The following DRG2 variants were observed in gnomAD, a reference collection of about 807,000 sequenced individuals.
DRG2 encodes the protein developmentally-regulated GTP-binding protein 2.
Under a neutral mutation model 53.4 loss-of-function variants are expected in DRG2, and 36 were observed. The observed-to-expected ratio is 0.67, with a 90% CI of 0.52 to 0.89. The LOEUF (loss-of-function observed/expected upper bound fraction) is 0.89, where lower values mean the gene tolerates loss of function less well. Ranked by LOEUF, DRG2 falls within the 40% of genes least tolerant of loss-of-function variation. The pLI is 0.00. For missense variants in DRG2, 342 were observed against 481.2 expected (o/e 0.71, Z 2.71); for synonymous variants, 167 against 192.1 (o/e 0.87, Z 1.08).
In DRG2 at chr17:18,093,928, G is replaced by T; in HGVS notation, c.180G>T (p.Ser60=). Residue 60 remains serine (S), a synonymous_variant, in exon 2 of 13, where the codon TCG becomes TCT. Transcript: ENST00000225729. ...SKGEGFDVMK[S]GDARVALIGF... ...GAGAGGGCTTTGATGTCATGAAGTC[G>T]GGTGATGCCCGTGTGGCGCTGATTG... 6.2e-7 allele frequency: 1 copy of T among 1,614,166 alleles called. No individual in the cohort carries two copies. Among genetic ancestry groups the T allele is most frequent in the Non-Finnish European group, 8.5e-7 (1 of 1,180,032 alleles).
chr17:18,091,741 C>T (rs1034055940), intron 1 of DRG2, among the ~76,000 whole-genome samples: 1 of 152,082 alleles, frequency 6.6e-6, no homozygotes, highest in Non-Finnish European at 1.5e-5. Context: ...GCCTGTAGTC[C>T]CAGCTACTTG....
At position 18,103,603 on chromosome 17, in the gene DRG2, AGT is replaced by A. The variant is rs2045576703; in HGVS notation, c.807-194_807-193del. Among the ~76,000 whole-genome samples, 1 of 152,186 alleles carries A rather than the reference AGT, an allele frequency of 6.6e-6. No individual in the cohort carries two copies. The highest frequency in any genetic ancestry group is 2.1e-4 in the South Asian group (1 of 4,836). On this transcript the variant is annotated intron_variant, in intron 9 of 12. Transcript: ENST00000225729. This position sits in a 1 kb window ranked among gnomAD's most constrained non-coding sequence, Gnocchi z 4.4. ...CTAGGAGAGATGCTGACCCTGGTTG[AGT>A]GTGACCATGATTGGTGCCCAGAGGC...
rs1186080176 is a variant in DRG2, at chr17:18,098,248, C to T, written c.226-22C>T. The T allele has an allele frequency of 6.2e-7, 1 of 1,607,600 alleles. No individual in the cohort carries two copies. The highest frequency in any genetic ancestry group is 8.5e-7 in the Non-Finnish European group (1 of 1,174,524). On this transcript the variant is annotated intron_variant, in intron 2 of 12. Transcript: ENST00000225729. This position sits in a 1 kb window ranked among gnomAD's most constrained non-coding sequence, Gnocchi z 4.1. ...AGGCCAGGGACAAGGCTCCTCAGTG[C>T]AATGATCTCCTTTTCTCCTAGTCCA...
intron 10 of DRG2, 84 bp from the exon 11 acceptor site, chr17:18,104,539 G>A (rs2045593792): frequency 6.2e-7 from 1 of 1,600,048 alleles, no homozygotes; most frequent in Non-Finnish European, 8.5e-7. Flanking sequence ...GGCCTCTGTG[G>A]CCAGCTCTTC....
At chr17:18,091,314 A>C (rs1469263814) in intron 1 of DRG2, among the ~76,000 whole-genome samples, 1 of 152,150 alleles carries the variant, frequency 6.6e-6, no homozygotes, top group African/African-American at 2.4e-5. Flanking sequence ...GGTCAGGCAC[A>C]GTGGCTCACG....
Position 18,100,703 on chromosome 17 carries a change from G to A in DRG2, c.631+44G>A, listed in dbSNP as rs748322599. 1.1e-5 allele frequency: 18 copies of A among 1,568,170 alleles called. No individual in the cohort carries two copies. Among genetic ancestry groups the A allele is most frequent in the South Asian group, 2.3e-5 (2 of 86,638 alleles). The stretch of plus-strand genomic sequence containing the variant: ...CACGTGAAGGAGGGCAGCCACCACC[G>A]TCAGCGCAGCGGGGGGACTGACTAA... On this transcript the variant is annotated intron_variant, in intron 7 of 12. Transcript: ENST00000225729. The surrounding 1 kb of genome is among the most constrained non-coding windows in gnomAD (Gnocchi z 4.1).
chr17:18,104,950 A>C (rs1461080834), intron 11 of DRG2, among the ~76,000 whole-genome samples: 1 of 152,182 alleles, frequency 6.6e-6, no homozygotes, highest in African/African-American at 2.4e-5. Context: ...TCCAGTGTGT[A>C]GGGCACTCAG....
chr17:18,107,422 G>A lies in DRG2; in HGVS notation c.*182G>A. 1 of 639,344 alleles carries A rather than the reference G, an allele frequency of 1.6e-6. No individual in the cohort carries two copies. Among genetic ancestry groups the A allele is most frequent in the Admixed American group, 2.7e-5 (1 of 37,624 alleles). The allele number at this position is 639,344 out of a possible 1,614,324, so 39.6% of individuals were successfully genotyped here. On this transcript the variant is annotated 3_prime_UTR_variant, in exon 13 of 13. Transcript: ENST00000225729. ...GACGAAGAGTGTGTTGGGGCAAAGG[G>A]GCTCGGTTGGAGGCATTTCCCATAA...
Position 18,098,534 on chromosome 17 carries a change from C to T in DRG2, c.315+175C>T, listed in dbSNP as rs76854117. ...TTCTGGGGATCCTAGCTGCTGGACCCCAGAGATGCCTGGTGGGGCCTGGAA... is the reference window on the plus strand; with the variant it reads ...TTCTGGGGATCCTAGCTGCTGGACCTCAGAGATGCCTGGTGGGGCCTGGAA... On this transcript the variant is annotated intron_variant, in intron 3 of 12. Coordinates refer to ENST00000225729, the MANE Select transcript of DRG2 (RefSeq NM_001388.5). The surrounding 1 kb of genome is among the most constrained non-coding windows in gnomAD (Gnocchi z 4.1). 0.016 allele frequency: 9,323 copies of T among 578,204 alleles called. 131 individuals are homozygous for T. The highest frequency in any genetic ancestry group is 0.024 in the Non-Finnish European group (7,791 of 322,116). 35.8% of individuals were successfully genotyped at this position (578,204 alleles called of 1,614,324 possible).
In DRG2 at chr17:18,093,971, A is replaced by G. The variant is rs199721861; in HGVS notation, c.223A>G (p.Lys75Glu). 1.9e-6 allele frequency: 3 copies of G among 1,613,472 alleles called. No individual in the cohort carries two copies. The highest frequency in any genetic ancestry group is 8.5e-7 in the Non-Finnish European group (1 of 1,179,610). ...GCTGATTGGATTTCCCTCTGTGGGTAAGGTCAGTGATGGTCAGTGTGGGCC... is the reference window on the plus strand; with the variant it reads ...GCTGATTGGATTTCCCTCTGTGGGTGAGGTCAGTGATGGTCAGTGTGGGCC... ...VALIGFPSVG[K>E]STFLSLMTST... Residue 75 changes from lysine (K) to glutamate (E), a missense_variant and splice_region_variant, in exon 2 of 13, where the codon AAG becomes GAG. Physicochemically the swap from Lys to Glu is moderately conservative, Grantham distance 56. Coordinates refer to ENST00000225729, the MANE Select transcript of DRG2 (RefSeq NM_001388.5).
At chr17:18,088,499 T>C (rs1027860092) in intron 1 of DRG2, among the ~76,000 whole-genome samples, 24 of 152,290 alleles carry the variant, frequency 1.6e-4, no homozygotes, top group African/African-American at 2.2e-4. Flanking sequence ...TGAGAGCCCA[T>C]TGGAGCAAGG....
At chr17:18,090,864 T>G (rs961319784) in intron 1 of DRG2, among the ~76,000 whole-genome samples, 3 of 151,638 alleles carry the variant, frequency 2.0e-5, no homozygotes, top group African/African-American at 7.3e-5. Context: ...AGAGGCACGG[T>G]CTCACTATGT....
chr17:18,103,379 C>A lies in DRG2; in HGVS notation c.807-422C>A, dbSNP rs768771797. ...GTAAAGGCTCTGGTGTCTCCAGAGC[C>A]TTGGTTCTCCCCTCTTCTTGCTGAA... On this transcript the variant is annotated intron_variant, in intron 9 of 12. Coordinates refer to ENST00000225729, the MANE Select transcript of DRG2 (RefSeq NM_001388.5). The surrounding 1 kb of genome is among the most constrained non-coding windows in gnomAD (Gnocchi z 4.4). Among the ~76,000 whole-genome samples, 1 of 152,148 alleles carries A rather than the reference C, an allele frequency of 6.6e-6. No individual in the cohort carries two copies. Among genetic ancestry groups the A allele is most frequent in the Non-Finnish European group, 1.5e-5 (1 of 68,024 alleles).
chr17:18,103,674 GT>G lies in DRG2; in HGVS notation c.807-124del. On this transcript the variant is annotated intron_variant, in intron 9 of 12. Coordinates refer to ENST00000225729, the MANE Select transcript of DRG2 (RefSeq NM_001388.5). The surrounding 1 kb of genome is among the most constrained non-coding windows in gnomAD (Gnocchi z 4.4). ...AGGCTGCCATCATAGTAATGGGCTT[GT>G]TTCCCTGTGGGTACCAGCGGGCCAC... is the stretch of plus-strand genomic sequence containing the variant. 1 of 817,744 alleles carries G rather than the reference GT, an allele frequency of 1.2e-6. No individual in the cohort carries two copies. Among genetic ancestry groups the G allele is most frequent in the South Asian group, 1.5e-5 (1 of 66,792 alleles). 50.7% of individuals were successfully genotyped at this position (817,744 alleles called of 1,614,324 possible).
chr17:18,104,462 C>T, intron 10 of DRG2, 161 bp from the exon 11 acceptor site: 2 of 1,423,568 alleles, frequency 1.4e-6, no homozygotes, highest in Non-Finnish European at 1.9e-6. Context: ...GAAGATGGTA[C>T]AGGGATCTAT....
intron 10 of DRG2, 117 bp from the exon 11 acceptor site, chr17:18,104,506 G>A: frequency 6.5e-7 from 1 of 1,542,822 alleles, no homozygotes; most frequent in South Asian, 1.2e-5. Flanking sequence ...GGGGAGGTTA[G>A]GCCAAGGCAA....
At chr17:18,091,442 C>A (rs1327970687) in intron 1 of DRG2, among the ~76,000 whole-genome samples, 2 of 152,068 alleles carry the variant, frequency 1.3e-5, no homozygotes, top group Non-Finnish European at 2.9e-5. Context: ...AAAAATTAGC[C>A]AGGCATGGTG....
rs950971551 is a variant in DRG2, at chr17:18,100,977, G to A, written c.631+318G>A. Among the ~76,000 whole-genome samples the A allele has an allele frequency of 2.0e-5, 3 of 152,202 alleles. No homozygotes were observed. Among genetic ancestry groups the A allele is most frequent in the African/African-American group, 7.2e-5 (3 of 41,448 alleles). ...CTGGAGAAGCCCCAGGGAGAGCTGG[G>A]GAATGGGTGGTGCCTCTAAAGTAGT... On this transcript the variant is annotated intron_variant, in intron 7 of 12. Transcript: ENST00000225729. The surrounding 1 kb of genome is among the most constrained non-coding windows in gnomAD (Gnocchi z 4.1).
At position 18,103,762 on chromosome 17, in the gene DRG2, C is replaced by T. The variant is rs1232539718; in HGVS notation, c.807-39C>T. 2 of 1,604,030 alleles carry T rather than the reference C, an allele frequency of 1.2e-6. No individual in the cohort carries two copies. The highest frequency in any genetic ancestry group is 1.1e-5 in the South Asian group (1 of 90,870). ...GTGGAGACCCCAGCCTCTGAATTCA[C>T]AGGGGCCCCTGCCTGACTGGCCGCC... On this transcript the variant is annotated intron_variant, in intron 9 of 12. Transcript: ENST00000225729. The surrounding 1 kb of genome is among the most constrained non-coding windows in gnomAD (Gnocchi z 4.4).
Sources: gnomAD v4.1 joint callset for allele counts (sites outside exome capture counted in the v4.1 genomes callset) on GRCh38, gnomAD v4.1.1 for gene constraint, Gnocchi (gnomAD v3.1) non-coding constraint, MANE v1.5 for transcripts, NCBI Gene and HGNC (gene_info 2026-07-23, HGNC 2026-07-21) for gene names.